The following NAV2 variants were observed in gnomAD, a reference collection of about 807,000 sequenced individuals.
The protein encoded by NAV2 is neuron navigator 2.
In NAV2, 54 loss-of-function variants were observed where a neutral mutation model predicts 223.2. The observed-to-expected ratio is 0.24, with a 90% CI of 0.19 to 0.30. The LOEUF is 0.30. NAV2 is among the 10% of genes least tolerant of loss of function. NAV2 has a pLI of 1.00. For missense variants in NAV2, 2,806 were observed against 3,147.5 expected (o/e 0.89, Z 2.60); for synonymous variants, 1,279 against 1,239.3 (o/e 1.03, Z -0.67).
intron 11 of NAV2, among the ~76,000 whole-genome samples, chr11:20,009,131 G>A (rs2053348747): frequency 1.3e-5 from 2 of 152,132 alleles, no homozygotes; most frequent in Admixed American, 1.3e-4. Context: ...GAGAGATGAA[G>A]CTGCAAAACA....
chr11:19,585,728 A>G (rs1042562289), intron 1 of NAV2, among the ~76,000 whole-genome samples: 1 of 152,212 alleles, frequency 6.6e-6, no homozygotes, highest in Non-Finnish European at 1.5e-5. Context: ...TCTTGCTTGT[A>G]GAGTTTCTAC....
At chr11:20,078,543 C>A (rs1162317314) in intron 24 of NAV2, among the ~76,000 whole-genome samples, 3 of 152,200 alleles carry the variant, frequency 2.0e-5, no homozygotes, top group Non-Finnish European at 4.4e-5. Context: ...ACTGCAACCT[C>A]TACTTCCCGG....
At chr11:19,589,630 A>G (rs2046000199) in intron 1 of NAV2, among the ~76,000 whole-genome samples, 1 of 152,212 alleles carries the variant, frequency 6.6e-6, no homozygotes, top group Non-Finnish European at 1.5e-5. Flanking sequence ...CAGCATGCAA[A>G]TGGTGAAGGG....
At chr11:19,543,023 T>G (rs1251406254) in intron 1 of NAV2, among the ~76,000 whole-genome samples, 2 of 152,234 alleles carry the variant, frequency 1.3e-5, no homozygotes, top group African/African-American at 2.4e-5. Flanking sequence ...GTGTGAGAAC[T>G]GCCTGATTAG....
In NAV2 at chr11:19,678,775, G is replaced by A. The variant is rs76376957; in HGVS notation, c.76-153709G>A. ...AGCATCAGGGGCTCAAAATGCTAAT[G>A]CCCGGATTGGCCAGGCAGCTGATGT... On this transcript the variant is annotated intron_variant, in intron 1 of 37. Transcript: ENST00000360655. Among the ~76,000 whole-genome samples the A allele has an allele frequency of 8.4e-3, 1,272 of 152,306 alleles. 34 individuals are homozygous for A. Among genetic ancestry groups the A allele is most frequent in the East Asian group, 0.081 (417 of 5,178 alleles).
intron 11 of NAV2, among the ~76,000 whole-genome samples, chr11:20,017,259 T>G (rs1727971456): frequency 1.3e-5 from 2 of 152,190 alleles, no homozygotes; most frequent in African/African-American, 2.4e-5. Context: ...CACACCCGCT[T>G]ACTAAGCTTC....
At chr11:19,919,138 G>A (rs958083104) in intron 6 of NAV2, among the ~76,000 whole-genome samples, 3 of 152,020 alleles carry the variant, frequency 2.0e-5, no homozygotes, top group African/African-American at 7.3e-5. Context: ...ATAACTTTGA[G>A]CCCAGTCATA....
chr11:19,412,789 G>A (rs1420777315), intron 1 of NAV2, among the ~76,000 whole-genome samples: 1 of 152,198 alleles, frequency 6.6e-6, no homozygotes, highest in Non-Finnish European at 1.5e-5. Flanking sequence ...AAGAGGGTCT[G>A]GAGTGGACCT....
At position 19,452,358 on chromosome 11, in the gene NAV2, C is replaced by T. The variant is rs144046863; in HGVS notation, c.75+101331C>T. 2.9e-3 allele frequency among the ~76,000 whole-genome samples: 437 copies of T among 152,266 alleles called. 2 individuals are homozygous for T. The highest frequency in any genetic ancestry group is 9.6e-3 in the South Asian group (46 of 4,814). On this transcript the variant is annotated intron_variant, in intron 1 of 37. Coordinates refer to the NAV2 transcript ENST00000360655. ...ATGAGGAAGATAAAGACACAGCTGA[C>T]AGGTTGGGAAGATGACCATAAACAA... is the stretch of plus-strand genomic sequence containing the variant.
intron 1 of NAV2, among the ~76,000 whole-genome samples, chr11:19,598,937 T>C (rs2135221811): frequency 6.6e-6 from 1 of 152,312 alleles, no homozygotes; most frequent in South Asian, 2.1e-4. Flanking sequence ...GTTCCAACTG[T>C]GTTCTCTGAA....
intron 5 of NAV2, among the ~76,000 whole-genome samples, chr11:19,886,562 A>G (rs983747200): frequency 1.6e-4 from 24 of 152,248 alleles, no homozygotes; most frequent in Non-Finnish European, 2.6e-4. Context: ...AATGTCACAC[A>G]AATGCACATA....
intron 1 of NAV2, among the ~76,000 whole-genome samples, chr11:19,365,482 G>A (rs1483288218): frequency 6.6e-6 from 1 of 152,180 alleles, no homozygotes; most frequent in East Asian, 1.9e-4. Flanking sequence ...TTGTTAAATG[G>A]GGAAATCAAC....
intron 1 of NAV2, among the ~76,000 whole-genome samples, chr11:19,770,675 C>G (rs1235578757): frequency 6.6e-6 from 1 of 152,138 alleles, no homozygotes; most frequent in Non-Finnish European, 1.5e-5. Context: ...AACCACTTAC[C>G]CTGGAGCTTT....
At chr11:19,521,402 G>A (rs989917768) in intron 1 of NAV2, among the ~76,000 whole-genome samples, 11 of 152,266 alleles carry the variant, frequency 7.2e-5, no homozygotes, top group African/African-American at 2.6e-4. Flanking sequence ...AGAATCCACG[G>A]CCAAATCGGA....
At chr11:19,779,389 C>T (rs1418463257) in intron 1 of NAV2, among the ~76,000 whole-genome samples, 2 of 152,212 alleles carry the variant, frequency 1.3e-5, no homozygotes, top group East Asian at 3.9e-4. Flanking sequence ...TGAGCCTCAG[C>T]TTTTCTGTGA....
chr11:20,097,428 GT>G (rs2061354204), intron 30 of NAV2, 148 bp from the exon 31 acceptor site: 1 of 616,264 alleles, frequency 1.6e-6, no homozygotes, highest in African/African-American at 1.9e-5. Flanking sequence ...TAGAAAGTCA[GT>G]TTTTCTCCCC....
At chr11:20,022,826 T>C (rs552868035) in intron 11 of NAV2, 469 of 1,271,090 alleles carry the variant, frequency 3.7e-4, no homozygotes, top group Non-Finnish European at 4.4e-4. Context: ...TGTTAGCTTT[T>C]GCTTTGCTGA....
intron 1 of NAV2, among the ~76,000 whole-genome samples, chr11:19,594,553 G>T (rs74354961): frequency 6.6e-6 from 1 of 151,926 alleles, no homozygotes; most frequent in Non-Finnish European, 1.5e-5. Context: ...ATGAGTTGTC[G>T]GTCCCAACAT....
At chr11:19,398,206 T>C (rs60724692) in intron 1 of NAV2, among the ~76,000 whole-genome samples, 2,666 of 152,032 alleles carry the variant, frequency 0.018, 86 homozygotes, top group African/African-American at 0.061. Flanking sequence ...GGAAGGCAAA[T>C]TGGGAGCCTG....
Sources: allele counts gnomAD v4.1 joint callset (sites outside exome capture counted in the v4.1 genomes callset), GRCh38; gene constraint gnomAD v4.1.1; transcripts MANE v1.5; gene names NCBI Gene and HGNC (gene_info 2026-07-23, HGNC 2026-07-21).